SLC24A3: variants seen among roughly 807,000 people sequenced by gnomAD.
SLC24A3 encodes solute carrier family 24 member 3.
SLC24A3 carries 28 observed loss-of-function variants against 75.8 expected under a neutral mutation model. The observed-to-expected ratio is 0.37, with a 90% CI of 0.27 to 0.51. The LOEUF (loss-of-function observed/expected upper bound fraction) is 0.51, where lower values mean the gene tolerates loss of function less well. Ranked by LOEUF, SLC24A3 falls within the 20% of genes least tolerant of loss-of-function variation. SLC24A3 has a pLI of 0.94. For synonymous variants in SLC24A3, 372 were observed against 334.1 expected, an observed-to-expected ratio of 1.11 and a Z score of -1.24; for missense variants, 663 against 847.8, an observed-to-expected ratio of 0.78 and a Z score of 2.71.
At chr20:19,408,918 C>T (rs996356865) in intron 2 of SLC24A3, among the ~76,000 whole-genome samples, 52 of 152,262 alleles carry the variant, frequency 3.4e-4, no homozygotes, top group South Asian at 2.1e-4. Context: ...TTTGTTCATT[C>T]GGGAAACATT....
intron 8 of SLC24A3, among the ~76,000 whole-genome samples, chr20:19,670,754 T>A (rs866131781): frequency 1.3e-5 from 2 of 152,332 alleles, no homozygotes; most frequent in Middle Eastern, 6.8e-3. Flanking sequence ...GTCGATGAGA[T>A]AAGAACTATG....
chr20:19,448,247 G>T (rs912802590), intron 2 of SLC24A3, among the ~76,000 whole-genome samples: 2 of 152,166 alleles, frequency 1.3e-5, no homozygotes, highest in Non-Finnish European at 2.9e-5. Flanking sequence ...GATTATTTTC[G>T]CATTACTAAG....
chr20:19,217,938 C>T (rs1981608003), intron 1 of SLC24A3, among the ~76,000 whole-genome samples: 1 of 152,108 alleles, frequency 6.6e-6, no homozygotes, highest in Admixed American at 6.5e-5. Context: ...GCATTTATCA[C>T]AGTTGGTAAT....
intron 2 of SLC24A3, among the ~76,000 whole-genome samples, chr20:19,381,336 G>T (rs911625522): frequency 6.6e-6 from 1 of 152,304 alleles, no homozygotes; most frequent in Admixed American, 6.5e-5. Context: ...GGAATGCATT[G>T]TCTGGCAGAC....
intron 1 of SLC24A3, among the ~76,000 whole-genome samples, chr20:19,252,558 T>C (rs1296332706): frequency 1.3e-5 from 2 of 151,572 alleles, no homozygotes; most frequent in Non-Finnish European, 2.9e-5. Flanking sequence ...GGTTGTTTCA[T>C]CTTTTCCAAT....
At chr20:19,531,474 A>G (rs2030297917) in intron 3 of SLC24A3, among the ~76,000 whole-genome samples, 1 of 152,232 alleles carries the variant, frequency 6.6e-6, no homozygotes, top group Non-Finnish European at 1.5e-5. Flanking sequence ...ACTGTTTGGC[A>G]AGAGGTGTCT....
At chr20:19,580,189 C>A in intron 4 of SLC24A3, 115 bp downstream of exon 4, 1 of 774,032 alleles carries the variant, frequency 1.3e-6, no homozygotes, top group Non-Finnish European at 2.1e-6. Flanking sequence ...GCAGCTGCAG[C>A]GGGAACACCA....
intron 2 of SLC24A3, among the ~76,000 whole-genome samples, chr20:19,338,502 G>A (rs144696201): frequency 1.3e-5 from 2 of 152,304 alleles, no homozygotes; most frequent in African/African-American, 4.8e-5. Flanking sequence ...AGTGAGAATC[G>A]TGTCTGCTCA....
intron 6 of SLC24A3, among the ~76,000 whole-genome samples, chr20:19,639,425 T>A (rs2032042721): frequency 1.3e-5 from 2 of 152,184 alleles, no homozygotes; most frequent in South Asian, 4.1e-4. Context: ...TCACAAACCC[T>A]GAGCTAGACA....
At chr20:19,308,633 ATT>A (rs1381644003) in intron 2 of SLC24A3, among the ~76,000 whole-genome samples, 1 of 152,176 alleles carries the variant, frequency 6.6e-6, no homozygotes, top group Non-Finnish European at 1.5e-5. Context: ...TTATTGAGCG[ATT>A]TTTTATTAAA....
intron 1 of SLC24A3, among the ~76,000 whole-genome samples, chr20:19,227,399 T>A (rs1041388017): frequency 6.6e-6 from 1 of 152,140 alleles, no homozygotes; most frequent in Admixed American, 6.5e-5. Context: ...TCATTCTTTT[T>A]TTTTTTTGGC....
At chr20:19,527,935 G>T (rs187213588) in intron 3 of SLC24A3, among the ~76,000 whole-genome samples, 1 of 152,240 alleles carries the variant, frequency 6.6e-6, no homozygotes, top group South Asian at 2.1e-4. Flanking sequence ...AACTAAGGGC[G>T]GGTGGAGTGA....
intron 2 of SLC24A3, among the ~76,000 whole-genome samples, chr20:19,475,200 G>A (rs1040973817): frequency 5.3e-5 from 8 of 152,056 alleles, no homozygotes; most frequent in East Asian, 3.9e-4. Context: ...TTAGCCGGGC[G>A]TGGTGGCGGT....
intron 2 of SLC24A3, among the ~76,000 whole-genome samples, chr20:19,324,046 C>T (rs1008279618): frequency 1.3e-5 from 2 of 152,100 alleles, no homozygotes; most frequent in African/African-American, 2.4e-5. Flanking sequence ...CAGTGCCCGG[C>T]GCAGGATGAG....
At chr20:19,577,206 C>T (rs2031150117) in intron 3 of SLC24A3, among the ~76,000 whole-genome samples, 1 of 152,048 alleles carries the variant, frequency 6.6e-6, no homozygotes, top group South Asian at 2.1e-4. Context: ...AGGAGCCCAC[C>T]ACCACGCGCA....
At chr20:19,405,583 C>T (rs954130862) in intron 2 of SLC24A3, among the ~76,000 whole-genome samples, 3 of 152,158 alleles carry the variant, frequency 2.0e-5, no homozygotes, top group Non-Finnish European at 2.9e-5. Context: ...AAGGGAGAAG[C>T]GTAATTTCAG....
intron 6 of SLC24A3, among the ~76,000 whole-genome samples, chr20:19,622,098 A>G (rs905931900): frequency 6.6e-6 from 1 of 152,220 alleles, no homozygotes; most frequent in Non-Finnish European, 1.5e-5. Flanking sequence ...CAGATGAGAG[A>G]GCAAGAAGTA....
At chr20:19,548,630 A>G (rs1555799358) in intron 3 of SLC24A3, among the ~76,000 whole-genome samples, 1 of 152,236 alleles carries the variant, frequency 6.6e-6, no homozygotes, top group Non-Finnish European at 1.5e-5. Flanking sequence ...AATATCCGTC[A>G]AGGCAAATGC....
chr20:19,444,540 T>C (rs1431948173), intron 2 of SLC24A3, among the ~76,000 whole-genome samples: 1 of 152,316 alleles, frequency 6.6e-6, no homozygotes, highest in East Asian at 1.9e-4. Context: ...TTTCTCCTTA[T>C]TTGAATTTGG....
Sources: allele counts gnomAD v4.1 joint callset (sites outside exome capture counted in the v4.1 genomes callset), GRCh38; gene constraint gnomAD v4.1.1; transcripts MANE v1.5; gene names NCBI Gene and HGNC (gene_info 2026-07-23, HGNC 2026-07-21).